PDGFRL: variants seen among roughly 807,000 people sequenced by gnomAD.
PDGFRL encodes the protein platelet-derived growth factor receptor-like protein.
In PDGFRL, 46 loss-of-function variants were observed where a neutral mutation model predicts 37.2. The observed-to-expected ratio is 1.24, with a 90% CI of 0.98 to 1.58. The LOEUF is 1.58. PDGFRL is among the 40% of genes most tolerant of loss of function. PDGFRL has a pLI of 0.00. For synonymous variants in PDGFRL, 251 were observed against 184.3 expected (o/e 1.36, Z -2.93); for missense variants, 692 against 467.6 (o/e 1.48, Z -4.43).
chr8:17,590,914 G>T (rs1419147915), intron 2 of PDGFRL, among the ~76,000 whole-genome samples: 3 of 141,814 alleles, frequency 2.1e-5, no homozygotes, highest in Admixed American at 7.2e-5. Context: ...ACGGAGTCTC[G>T]CTCTGTCCCA....
At chr8:17,600,877 G>A (rs1302140881) in intron 2 of PDGFRL, among the ~76,000 whole-genome samples, 1 of 152,054 alleles carries the variant, frequency 6.6e-6, no homozygotes, top group Non-Finnish European at 1.5e-5. Context: ...AGCTACTTGG[G>A]AGGCTCGGAT....
At chr8:17,585,478 G>A (rs989812612) in intron 1 of PDGFRL, among the ~76,000 whole-genome samples, 2 of 152,106 alleles carry the variant, frequency 1.3e-5, no homozygotes, top group African/African-American at 4.8e-5. Flanking sequence ...CCATAGTATC[G>A]CTTTCCCACC....
At chr8:17,597,084 G>A (rs568592407) in intron 2 of PDGFRL, among the ~76,000 whole-genome samples, 1 of 152,140 alleles carries the variant, frequency 6.6e-6, no homozygotes, top group African/African-American at 2.4e-5. Flanking sequence ...GCAGTGGCAC[G>A]ATCTCAGCTC....
In PDGFRL at chr8:17,639,030, C is replaced by CA. The variant is rs547689939; in HGVS notation, c.940-3582dup. 4.6e-5 allele frequency among the ~76,000 whole-genome samples: 7 copies of CA among 151,584 alleles called. No individual in the cohort carries two copies. In the South Asian group the frequency reaches 1.5e-3, roughly 32 times the overall value. The stretch of plus-strand genomic sequence containing the variant: ...AGCCATTGCACTCCAGTCTGGCCGA[C>CA]AGAGTGAGACTCTGTCTCAAACAAA... On this transcript the variant is annotated intron_variant, in intron 5 of 5. Transcript: ENST00000251630.
chr8:17,577,674 C>T (rs1803616565), intron 1 of PDGFRL, among the ~76,000 whole-genome samples: 1 of 151,828 alleles, frequency 6.6e-6, no homozygotes, highest in South Asian at 2.1e-4. Flanking sequence ...CTTCCACCTC[C>T]CAGCGGCGTG....
At chr8:17,616,631 T>C (rs1182627291) in intron 2 of PDGFRL, among the ~76,000 whole-genome samples, 2 of 152,298 alleles carry the variant, frequency 1.3e-5, no homozygotes, top group Admixed American at 1.3e-4. Context: ...GCCCTCGATT[T>C]GCGCATGTTG....
intron 2 of PDGFRL, among the ~76,000 whole-genome samples, chr8:17,594,783 C>T (rs1804016925): frequency 6.6e-6 from 1 of 152,062 alleles, no homozygotes; most frequent in Non-Finnish European, 1.5e-5. Context: ...CCTCATGATC[C>T]ACCCACCTCG....
intron 2 of PDGFRL, among the ~76,000 whole-genome samples, chr8:17,603,297 A>AT (rs1804205116): frequency 6.6e-6 from 1 of 152,170 alleles, no homozygotes; most frequent in South Asian, 2.1e-4. Context: ...CAACAAACAC[A>AT]TTTTTTAAAA....
At chr8:17,603,913 T>C (rs1313525119) in intron 2 of PDGFRL, among the ~76,000 whole-genome samples, 1 of 151,778 alleles carries the variant, frequency 6.6e-6, no homozygotes, top group Non-Finnish European at 1.5e-5. Context: ...AAGAGAGAAG[T>C]GTTTGAAGGA....
chr8:17,628,249 C>A (rs554767004), intron 3 of PDGFRL, among the ~76,000 whole-genome samples: 1 of 152,002 alleles, frequency 6.6e-6, no homozygotes, highest in South Asian at 2.1e-4. Context: ...CCGCCTCAGC[C>A]TCCCAAAGTG....
chr8:17,589,471 C>G lies in PDGFRL; in HGVS notation c.59C>G (p.Thr20Ser), dbSNP rs375384740. The change falls in exon 2 of 6, where the codon ACT (threonine) becomes AGT (serine). Residue 20 changes from threonine to serine, a missense_variant. Coordinates refer to ENST00000251630, the MANE Select transcript of PDGFRL (RefSeq NM_001372073.1). ...TCTCTCTCCTTACGTTTTGCAGTTA[C>G]TGGCCAACACCTTCCCAAGAACAAG... ...LLVHEALEDVTGQHLPKNKRP... is the reference protein window; with the variant it reads ...LLVHEALEDVSGQHLPKNKRP... 2.8e-5 allele frequency: 45 copies of G among 1,609,826 alleles called. No homozygotes were observed. The highest frequency in any genetic ancestry group is 3.8e-5 in the Non-Finnish European group (45 of 1,177,556).
At chr8:17,590,834 A>G (rs1029458120) in intron 2 of PDGFRL, among the ~76,000 whole-genome samples, 2 of 152,130 alleles carry the variant, frequency 1.3e-5, no homozygotes, top group African/African-American at 2.4e-5. Flanking sequence ...CAACTTGACC[A>G]GATATCAACT....
intron 1 of PDGFRL, among the ~76,000 whole-genome samples, chr8:17,584,790 GA>G (rs2150809253): frequency 6.6e-6 from 1 of 151,450 alleles, no homozygotes; most frequent in East Asian, 1.9e-4. Flanking sequence ...CAGACCGCAA[GA>G]AAAAGTTCTT....
chr8:17,597,346 G>A (rs73666193), intron 2 of PDGFRL, among the ~76,000 whole-genome samples: 4,660 of 152,294 alleles, frequency 0.031, 158 homozygotes, highest in South Asian at 0.091. Context: ...AACCAATATT[G>A]TTGGCTTTCT....
At chr8:17,611,045 T>C (rs1355585421) in intron 2 of PDGFRL, among the ~76,000 whole-genome samples, 1 of 152,278 alleles carries the variant, frequency 6.6e-6, no homozygotes, top group Admixed American at 6.5e-5. Flanking sequence ...CTTACGTATT[T>C]AAAACAGTCA....
At position 17,642,945 on chromosome 8, in the gene PDGFRL, A is replaced by G. The variant is rs1000542286; in HGVS notation, c.*144A>G. ...AGCGTCTCGTGAGTCCGACCCAGAC[A>G]TCCAAACTAAAAGGAAGTCATCCAG... On this transcript the variant is annotated 3_prime_UTR_variant, in exon 6 of 6. Coordinates refer to ENST00000251630, the MANE Select transcript of PDGFRL (RefSeq NM_001372073.1). 2.7e-5 allele frequency: 16 copies of G among 592,694 alleles called. No individual in the cohort carries two copies. The highest frequency in any genetic ancestry group is 4.5e-5 in the Non-Finnish European group (15 of 336,534). The allele number at this position is 592,694 out of a possible 1,614,324, so 36.7% of individuals were successfully genotyped here.
chr8:17,592,563 A>T (rs935600728), intron 2 of PDGFRL, among the ~76,000 whole-genome samples: 2 of 151,906 alleles, frequency 1.3e-5, no homozygotes, highest in Non-Finnish European at 2.9e-5. Flanking sequence ...TCGATCAGAC[A>T]CTCTGCTTTC....
At chr8:17,584,916 G>A (rs1293462586) in intron 1 of PDGFRL, among the ~76,000 whole-genome samples, 1 of 152,070 alleles carries the variant, frequency 6.6e-6, no homozygotes, top group African/African-American at 2.4e-5. Context: ...GCAGCGGCAT[G>A]GACTGCTCAG....
intron 3 of PDGFRL, among the ~76,000 whole-genome samples, chr8:17,621,838 G>T (rs1287469093): frequency 6.6e-6 from 1 of 151,980 alleles, no homozygotes; most frequent in Non-Finnish European, 1.5e-5. Context: ...TTATTATTTT[G>T]TTTTTTGATT....
Sources: gnomAD v4.1 joint callset for allele counts (sites outside exome capture counted in the v4.1 genomes callset) on GRCh38, gnomAD v4.1.1 for gene constraint, MANE v1.5 for transcripts, NCBI Gene and HGNC (gene_info 2026-07-23, HGNC 2026-07-21) for gene names.